The following SEMA3D variants were observed in gnomAD, a reference collection of about 807,000 sequenced individuals.
SEMA3D encodes semaphorin 3D, also known as semaphorin-3D.
In SEMA3D, 84 loss-of-function variants were observed where a neutral mutation model predicts 100.1. That is an observed-to-expected ratio of 0.84 (90% CI 0.70 to 1.01). The LOEUF (loss-of-function observed/expected upper bound fraction) is 1.01. Ranked by LOEUF, SEMA3D falls within the 50% of genes least tolerant of loss-of-function variation. The pLI, the probability that SEMA3D is intolerant of heterozygous loss-of-function variation, is 0.00. For missense variants in SEMA3D, 875 were observed against 934.1 expected (o/e 0.94, Z 0.82); for synonymous variants, 312 against 320.7 (o/e 0.97, Z 0.29).
At chr7:85,075,913 A>G (rs1469126246) in intron 5 of SEMA3D, among the ~76,000 whole-genome samples, 1 of 152,194 alleles carries the variant, frequency 6.6e-6, no homozygotes, top group Non-Finnish European at 1.5e-5. Flanking sequence ...CAGAAATCCT[A>G]TGTTGTTTTA....
At chr7:85,175,966 A>G (rs1326698220) in intron 1 of SEMA3D, among the ~76,000 whole-genome samples, 1 of 152,094 alleles carries the variant, frequency 6.6e-6, no homozygotes, top group African/African-American at 2.4e-5. Context: ...TCTTGTTAAC[A>G]TTTGAGATGG....
At chr7:85,141,277 A>T in intron 2 of SEMA3D, 1 of 984,552 alleles carries the variant, frequency 1.0e-6, no homozygotes, top group Non-Finnish European at 1.2e-6. Context: ...TCCTTTTAAA[A>T]TGCTTTAACC....
chr7:85,210,935 T>C, the SEMA3D span, among the ~76,000 whole-genome samples: 1 of 152,000 alleles, frequency 6.6e-6, no homozygotes, highest in African/African-American at 2.4e-5. Flanking sequence ...CAAATATACT[T>C]TGAAAGTCTA....
At chr7:85,187,200 G>A (rs1003292), upstream of SEMA3D, among the ~76,000 whole-genome samples, 100,944 of 151,962 alleles carry the variant, frequency 0.66, 34,254 homozygotes, top group East Asian at 0.92. Flanking sequence ...TGCCAGCAGC[G>A]TGGATTTAGA....
intron 4 of SEMA3D, among the ~76,000 whole-genome samples, chr7:85,094,537 C>T (rs984184207): frequency 3.2e-4 from 48 of 152,072 alleles, no homozygotes; most frequent in African/African-American, 1.1e-3. Flanking sequence ...GCTTTCCTCC[C>T]ACTGGGCTGA....
At chr7:85,079,442 G>A (rs1176370772) in intron 5 of SEMA3D, among the ~76,000 whole-genome samples, 16 of 152,142 alleles carry the variant, frequency 1.1e-4, no homozygotes, top group Admixed American at 1.0e-3. Context: ...CAGCAAATGT[G>A]TTTAAAGGTT....
At chr7:85,189,349 C>A (rs187123253), upstream of SEMA3D, among the ~76,000 whole-genome samples, 2 of 151,988 alleles carry the variant, frequency 1.3e-5, no homozygotes, top group African/African-American at 4.8e-5. Context: ...TGTATAGGGT[C>A]CCACCAAGAT....
At chr7:85,225,474 G>A in the SEMA3D span, among the ~76,000 whole-genome samples, 1 of 151,812 alleles carries the variant, frequency 6.6e-6, no homozygotes, top group African/African-American at 2.4e-5. Flanking sequence ...TCCAGGTGGA[G>A]TGGCTGGAGT....
At chr7:85,076,091 T>C (rs772535299) in intron 5 of SEMA3D, among the ~76,000 whole-genome samples, 3 of 152,200 alleles carry the variant, frequency 2.0e-5, no homozygotes, top group Non-Finnish European at 4.4e-5. Flanking sequence ...GAAAGCTAAT[T>C]TGTCAGCTAT....
chr7:85,104,062 C>A (rs2116338033), intron 3 of SEMA3D, among the ~76,000 whole-genome samples: 1 of 152,032 alleles, frequency 6.6e-6, no homozygotes, highest in African/African-American at 2.4e-5. Flanking sequence ...ATATGTTTTC[C>A]ACATGTAGTT....
chr7:85,084,651 T>A (rs1213011795), intron 4 of SEMA3D, among the ~76,000 whole-genome samples: 1 of 152,186 alleles, frequency 6.6e-6, no homozygotes, highest in Non-Finnish European at 1.5e-5. Context: ...AAGTGCAGGT[T>A]TGTTACACAG....
the SEMA3D span, among the ~76,000 whole-genome samples, chr7:85,245,005 C>A: frequency 2.6e-5 from 4 of 152,078 alleles, no homozygotes; most frequent in African/African-American, 9.7e-5. Context: ...GCCACTGCGC[C>A]CGGCCAGAAT....
chr7:85,072,911 T>C, intron 6 of SEMA3D, 51 bp downstream of exon 6: 1 of 1,408,376 alleles, frequency 7.1e-7, no homozygotes, highest in Non-Finnish European at 9.8e-7. Flanking sequence ...AGGAATTAAG[T>C]AGTAATGTAT....
chr7:85,142,360 C>G (rs1207236009), intron 2 of SEMA3D: 5 of 924,210 alleles, frequency 5.4e-6, no homozygotes, highest in Non-Finnish European at 6.5e-6. Flanking sequence ...GCTTTAAAAT[C>G]AAAATTTATT....
the SEMA3D span, among the ~76,000 whole-genome samples, chr7:85,244,976 T>C: frequency 2.7e-4 from 41 of 152,038 alleles, no homozygotes; most frequent in Non-Finnish European, 7.4e-5. Flanking sequence ...TCCCAAAGTG[T>C]TGGGATTTAC....
the SEMA3D span, among the ~76,000 whole-genome samples, chr7:85,221,759 A>C: frequency 1.3e-5 from 2 of 152,102 alleles, no homozygotes; most frequent in African/African-American, 4.8e-5. Context: ...CTTAACAATC[A>C]ATGCTATGAA....
At chr7:85,136,376 A>G (rs1448204559) in intron 2 of SEMA3D, among the ~76,000 whole-genome samples, 2 of 152,122 alleles carry the variant, frequency 1.3e-5, no homozygotes, top group Non-Finnish European at 2.9e-5. Flanking sequence ...AAGGGCTGCC[A>G]ACTTCCAGGG....
chr7:85,142,446 A>G (rs1471560914), intron 2 of SEMA3D: 1 of 957,020 alleles, frequency 1.0e-6, no homozygotes, highest in East Asian at 1.2e-4. Flanking sequence ...ATTTATTTAT[A>G]AAAGACACAG....
At chr7:85,175,567 A>G (rs982199530) in intron 1 of SEMA3D, among the ~76,000 whole-genome samples, 3 of 152,192 alleles carry the variant, frequency 2.0e-5, no homozygotes, top group Admixed American at 1.3e-4. Flanking sequence ...ACCCGTCTGT[A>G]CATCCAGTAT....
Sources: allele counts gnomAD v4.1 joint callset (sites outside exome capture counted in the v4.1 genomes callset), GRCh38; gene constraint gnomAD v4.1.1; transcripts MANE v1.5; gene names NCBI Gene and HGNC (gene_info 2026-07-23, HGNC 2026-07-21).